The following RBM47 variants were observed in gnomAD, a reference collection of about 807,000 sequenced individuals.
RBM47 encodes RNA binding motif protein 47, also known as RNA-binding protein 47.
A neutral mutation model predicts 47.1 loss-of-function variants in RBM47; 21 were observed. That is an observed-to-expected ratio of 0.45 (90% CI 0.32 to 0.64). RBM47 has a LOEUF of 0.64. Among genes scored for constraint, RBM47 ranks in the 30% least tolerant of loss-of-function variants. The pLI, the probability that RBM47 is intolerant of heterozygous loss-of-function variation, is 0.05. For missense variants in RBM47, 708 were observed against 870.9 expected (o/e 0.81, Z 2.35); for synonymous variants, 375 against 361.7 (o/e 1.04, Z -0.42).
At chr4:40,506,870 C>T (rs1433815852) in intron 2 of RBM47, among the ~76,000 whole-genome samples, 2 of 152,130 alleles carry the variant, frequency 1.3e-5, no homozygotes, top group African/African-American at 4.8e-5. Context: ...CGTGGTGGCT[C>T]ATGCCTATAA....
intron 2 of RBM47, among the ~76,000 whole-genome samples, chr4:40,506,867 G>T (rs923128163): frequency 1.3e-5 from 2 of 152,178 alleles, no homozygotes; most frequent in African/African-American, 4.8e-5. Flanking sequence ...AGGCGTGGTG[G>T]CTCATGCCTA....
rs998808344 is a variant in RBM47 at position 40,434,722 on chromosome 4, A to G, written c.1330+1719T>C. Among the ~76,000 whole-genome samples the G allele has an allele frequency of 1.1e-3, 155 of 136,450 alleles. 4 individuals are homozygous for G. In the Middle Eastern group the frequency reaches 0.011, roughly 10 times the overall value. 89.5% of individuals were successfully genotyped at this position (136,450 alleles called of 152,430 possible). ...CACAGGCAAAAAAAAAAAAAAAAAA[A>G]AAAAAATCATTACTAGAATCATCAA... On this transcript the variant is annotated intron_variant, in intron 5 of 6. Transcript: ENST00000295971.
intron 2 of RBM47, among the ~76,000 whole-genome samples, chr4:40,541,263 CAA>C (rs113154815): frequency 0.14 from 15,194 of 110,668 alleles, 1,579 homozygotes; most frequent in African/African-American, 0.31. Flanking sequence ...AAGATTCTCT[CAA>C]AAAAAAAAAA....
Position 40,423,831 on chromosome 4 carries a change from C to T in RBM47, c.*2073G>A, listed in dbSNP as rs1051879350. ...CATCCAGTGAAACTCTGTGACAATC[C>T]TTCACTAGAAGGAGAGTACTTTTTT... On this transcript the variant is annotated 3_prime_UTR_variant, in exon 7 of 7. Transcript: ENST00000295971. 1 of 152,320 alleles carries T rather than the reference C, an allele frequency of 6.6e-6. No individual in the cohort carries two copies. The highest frequency in any genetic ancestry group is 6.6e-5 in the Admixed American group (1 of 15,204). 9.4% of individuals were successfully genotyped at this position (152,320 alleles called of 1,614,324 possible).
intron 2 of RBM47, among the ~76,000 whole-genome samples, chr4:40,492,775 C>CTG (rs4035484): frequency 1.2e-3 from 188 of 150,542 alleles, no homozygotes; most frequent in Admixed American, 2.5e-3. Flanking sequence ...CCATCATGAC[C>CTG]TGTGTGTGTG....
At chr4:40,448,286 AGT>A (rs1714867906) in intron 3 of RBM47, among the ~76,000 whole-genome samples, 1 of 150,510 alleles carries the variant, frequency 6.6e-6, no homozygotes, top group South Asian at 2.1e-4. Context: ...TGTGAGTGTG[AGT>A]GTGTGTGTTT....
chr4:40,603,687 C>T (rs1055146996), intron 1 of RBM47, among the ~76,000 whole-genome samples: 2 of 152,014 alleles, frequency 1.3e-5, no homozygotes, highest in Admixed American at 6.6e-5. Flanking sequence ...ACTGCAGCCT[C>T]GACCTCCAGG....
chr4:40,593,493 C>T (rs1283603293), intron 1 of RBM47, among the ~76,000 whole-genome samples: 1 of 151,998 alleles, frequency 6.6e-6, no homozygotes, highest in Non-Finnish European at 1.5e-5. Context: ...TCATTTTTCT[C>T]GGGAGGCCGA....
Position 40,423,677 on chromosome 4 carries a change from TTTCTTTCTTTC to T in RBM47, c.*2216_*2226del, listed in dbSNP as rs1714656764. 1 of 103,366 alleles carries T rather than the reference TTTCTTTCTTTC, an allele frequency of 9.7e-6. No homozygotes were observed. The highest frequency in any genetic ancestry group is 1.8e-5 in the Non-Finnish European group (1 of 55,510). The allele number at this position is 103,366 out of a possible 1,614,324, so 6.4% of individuals were successfully genotyped here. ...TTTTCTTTCTTTCTTTCTTTCTTTC[TTTCTTTCTTTC>T]TTTCTTTCTTTCTTTCTTTCTTTCT... On this transcript the variant is annotated 3_prime_UTR_variant, in exon 7 of 7. Coordinates refer to ENST00000295971, the MANE Select transcript of RBM47 (RefSeq NM_001098634.2).
chr4:40,487,905 T>C (rs1410556274), intron 2 of RBM47, among the ~76,000 whole-genome samples: 2 of 151,250 alleles, frequency 1.3e-5, no homozygotes, highest in South Asian at 4.2e-4. Context: ...CCTAGTATTT[T>C]GTAATTTCTC....
intron 1 of RBM47, among the ~76,000 whole-genome samples, chr4:40,559,211 T>C (rs1166439879): frequency 1.3e-5 from 2 of 152,208 alleles, no homozygotes; most frequent in Non-Finnish European, 2.9e-5. Flanking sequence ...GTTTGGATTA[T>C]ATGGAAAAGC....
At chr4:40,579,466 A>G (rs1578001883) in intron 1 of RBM47, among the ~76,000 whole-genome samples, 1 of 150,826 alleles carries the variant, frequency 6.6e-6, no homozygotes. Context: ...AACAAATTGG[A>G]TGGGAATAAC....
intron 1 of RBM47, among the ~76,000 whole-genome samples, chr4:40,557,855 T>C (rs1730249487): frequency 6.6e-6 from 1 of 152,222 alleles, no homozygotes; most frequent in South Asian, 2.1e-4. Context: ...CACCTCTGAG[T>C]TGTGAAATTG....
chr4:40,487,128 G>A (rs1346865005), intron 2 of RBM47, among the ~76,000 whole-genome samples: 1 of 152,092 alleles, frequency 6.6e-6, no homozygotes, highest in African/African-American at 2.4e-5. Context: ...ATGGTCAAGG[G>A]TCATCTGTTA....
chr4:40,604,119 C>A (rs1735521263), intron 1 of RBM47, among the ~76,000 whole-genome samples: 3 of 152,224 alleles, frequency 2.0e-5, no homozygotes, highest in African/African-American at 7.2e-5. Flanking sequence ...ACCATTTATC[C>A]ATTCAACAAA....
chr4:40,441,306 T>C (rs1175381977), intron 3 of RBM47, among the ~76,000 whole-genome samples: 1 of 149,560 alleles, frequency 6.7e-6, no homozygotes, highest in East Asian at 2.0e-4. Context: ...AAAATAGAGA[T>C]AGAGTCTCAC....
At position 40,629,609 on chromosome 4, in the gene RBM47, C is replaced by G. The variant is rs768336100; in HGVS notation, c.-453G>C. 1 of 152,230 alleles carries G rather than the reference C, an allele frequency of 6.6e-6. No homozygotes were observed. The highest frequency in any genetic ancestry group is 1.5e-5 in the Non-Finnish European group (1 of 68,056). 9.4% of individuals were successfully genotyped at this position (152,230 alleles called of 1,614,324 possible). A position where few individuals can be genotyped will look rare whatever the true frequency, so the allele number is the denominator to read the frequency against. The stretch of plus-strand genomic sequence containing the variant: ...GCTTAACTCCCAGGCTCTGGGAATT[C>G]CAGTGGGTCAGAATTGCTTAACCTT... On this transcript the variant is annotated 5_prime_UTR_variant, in exon 1 of 7. Transcript: ENST00000295971.
Position 40,497,041 on chromosome 4 carries a change from C to CAAAAAA in RBM47, c.-154-30348_-154-30343dup, listed in dbSNP as rs10631036. 1.3e-4 allele frequency among the ~76,000 whole-genome samples: 15 copies of CAAAAAA among 114,654 alleles called. 1 individual carries two copies. The highest frequency in any genetic ancestry group is 5.0e-4 in the East Asian group (2 of 3,994). 75.2% of individuals were successfully genotyped at this position (114,654 alleles called of 152,430 possible). A position where few individuals can be genotyped will look rare whatever the true frequency, so the allele number is the denominator to read the frequency against. On this transcript the variant is annotated intron_variant, in intron 2 of 6. Coordinates refer to ENST00000295971, the MANE Select transcript of RBM47 (RefSeq NM_001098634.2). ...AGGCAACAAGAGCAAAACTCCATCT[C>CAAAAAA]AAAAAAAAAAAAAAAAGAAAGAAAG...
In RBM47 at chr4:40,423,638, T is replaced by A. The variant is rs1050480789; in HGVS notation, c.*2266A>T. 4.7e-5 allele frequency: 7 copies of A among 150,346 alleles called. No homozygotes were observed. Among genetic ancestry groups the A allele is most frequent in the Non-Finnish European group, 7.4e-5 (5 of 67,766 alleles). The allele number at this position is 150,346 out of a possible 1,614,324, so 9.3% of individuals were successfully genotyped here. On this transcript the variant is annotated 3_prime_UTR_variant, in exon 7 of 7. Transcript: ENST00000295971. ...TGGTTGCCATGTTATCATTTTTTTT[T>A]ATTCTTTCTTTCTTTTTCTTTCTTT...
Sources: gnomAD v4.1 joint callset for allele counts (sites outside exome capture counted in the v4.1 genomes callset) on GRCh38, gnomAD v4.1.1 for gene constraint, MANE v1.5 for transcripts, NCBI Gene and HGNC (gene_info 2026-07-23, HGNC 2026-07-21) for gene names.